Variants in SLAIN1 observed in about 807,000 individuals in gnomAD.
The protein encoded by SLAIN1 is SLAIN motif-containing protein 1.
A neutral mutation model predicts 55.4 loss-of-function variants in SLAIN1; 17 were observed. The ratio of observed to expected loss-of-function variants is 0.31; its 90% CI spans 0.21 to 0.46. The LOEUF is 0.46. SLAIN1 is among the 20% of genes least tolerant of loss of function. The pLI is 1.00. For synonymous variants in SLAIN1, 348 were observed against 337.4 expected, an observed-to-expected ratio of 1.03 and a Z score of -0.35; for missense variants, 682 against 785.1, an observed-to-expected ratio of 0.87 and a Z score of 1.57.
In SLAIN1 at chr13:77,746,854, A is replaced by C; in HGVS notation, c.1257A>C (p.Gly419=). ...TPDQQPNRTN[G]DKLRRSMPNL... is the part of the protein sequence containing the mutation. ...ATCAGCAACCAAATAGGACCAATGG[A>C]GGTAGGTTGTATGCTTTTTTGGTAT... The change falls in exon 4 of 7, where the codon GGA becomes GGC. Residue 419 remains glycine, a splice_region_variant and synonymous_variant. Coordinates refer to ENST00000418532, the MANE Select transcript of SLAIN1 (RefSeq NM_001242868.2). 1.2e-6 allele frequency: 2 copies of C among 1,603,048 alleles called. No individual in the cohort carries two copies. The highest frequency in any genetic ancestry group is 1.7e-6 in the Non-Finnish European group (2 of 1,172,606).
At chr13:77,699,943 A>T (rs189955616) in intron 1 of SLAIN1, among the ~76,000 whole-genome samples, 1 of 152,284 alleles carries the variant, frequency 6.6e-6, no homozygotes, top group Non-Finnish European at 1.5e-5. Context: ...CTCAGCCCTT[A>T]TGCCACTTTC....
chr13:77,760,756 GA>G (rs1594301514), intron 5 of SLAIN1, 71 bp from the exon 6 acceptor site: 4 of 1,533,418 alleles, frequency 2.6e-6, no homozygotes, highest in East Asian at 2.3e-5. Context: ...GGACTCTTCT[GA>G]AAATAACACA....
chr13:77,714,302 A>G (rs1343662903), intron 1 of SLAIN1, among the ~76,000 whole-genome samples: 9 of 152,168 alleles, frequency 5.9e-5, no homozygotes, highest in African/African-American at 1.9e-4. Flanking sequence ...GATGGCAGCT[A>G]TGAATTTCTC....
chr13:77,710,211 C>A (rs2091133494), intron 1 of SLAIN1, among the ~76,000 whole-genome samples: 1 of 152,118 alleles, frequency 6.6e-6, no homozygotes, highest in South Asian at 2.1e-4. Flanking sequence ...ATGACAGGAT[C>A]AAATTCACAC....
At chr13:77,761,693 AG>A (rs1370945739) in intron 6 of SLAIN1, among the ~76,000 whole-genome samples, 1 of 152,154 alleles carries the variant, frequency 6.6e-6, no homozygotes, top group Non-Finnish European at 1.5e-5. Flanking sequence ...GGGCTTTATC[AG>A]CTTATGTTGG....
At chr13:77,728,428 A>G (rs1057429463) in intron 2 of SLAIN1, among the ~76,000 whole-genome samples, 1 of 152,200 alleles carries the variant, frequency 6.6e-6, no homozygotes, top group Non-Finnish European at 1.5e-5. Flanking sequence ...GTCTATAACT[A>G]TTGAATCAGG....
At chr13:77,716,256 T>C (rs1285012092) in intron 1 of SLAIN1, among the ~76,000 whole-genome samples, 1 of 152,014 alleles carries the variant, frequency 6.6e-6, no homozygotes, top group African/African-American at 2.4e-5. Flanking sequence ...TTTTTTCCAC[T>C]GATCCGTTTA....
intron 6 of SLAIN1, among the ~76,000 whole-genome samples, chr13:77,761,491 G>A (rs1363392695): frequency 6.6e-6 from 1 of 152,170 alleles, no homozygotes; most frequent in Non-Finnish European, 1.5e-5. Flanking sequence ...GGCGGGGGGA[G>A]GTTGACTTTT....
chr13:77,704,066 CATAGAAAATATATAT>C (rs2091062656), intron 1 of SLAIN1, among the ~76,000 whole-genome samples: 2 of 98,190 alleles, frequency 2.0e-5, no homozygotes, highest in East Asian at 2.8e-4. Context: ...TATATATATA[CATAGAAAATATATAT>C]ACATATGTTT....
At chr13:77,741,276 G>C in intron 2 of SLAIN1, 1 of 987,350 alleles carries the variant, frequency 1.0e-6, no homozygotes, top group Non-Finnish European at 1.2e-6. Flanking sequence ...GAGAAACTTT[G>C]AATAATAGAG....
At chr13:77,699,192 A>G in intron 1 of SLAIN1, 1 of 723,166 alleles carries the variant, frequency 1.4e-6, no homozygotes, top group Non-Finnish European at 2.2e-6. Flanking sequence ...TAGTGCCAAT[A>G]AAGAGGACTT....
intron 2 of SLAIN1, among the ~76,000 whole-genome samples, chr13:77,723,678 A>G (rs1052021926): frequency 2.6e-5 from 4 of 152,180 alleles, no homozygotes; most frequent in Admixed American, 6.6e-5. Flanking sequence ...CTAAAATAAC[A>G]TGAATATTTT....
chr13:77,737,551 T>C (rs1290374249), intron 2 of SLAIN1, among the ~76,000 whole-genome samples: 2 of 152,106 alleles, frequency 1.3e-5, no homozygotes, highest in African/African-American at 4.8e-5. Context: ...TCTTCTCTTA[T>C]ACCCTATGCT....
chr13:77,759,710 G>C (rs1022729496), intron 5 of SLAIN1, among the ~76,000 whole-genome samples: 9 of 152,046 alleles, frequency 5.9e-5, no homozygotes, highest in African/African-American at 1.9e-4. Context: ...TATAGTTTTG[G>C]TTTTTAATTC....
chr13:77,723,471 C>A (rs1383757615), intron 2 of SLAIN1, among the ~76,000 whole-genome samples: 1 of 152,112 alleles, frequency 6.6e-6, no homozygotes, highest in Non-Finnish European at 1.5e-5. Context: ...TTTTGAGAAC[C>A]TCCTGTGTTT....
intron 1 of SLAIN1, among the ~76,000 whole-genome samples, chr13:77,712,540 G>T (rs2091162989): frequency 6.6e-6 from 1 of 152,088 alleles, no homozygotes; most frequent in Non-Finnish European, 1.5e-5. Flanking sequence ...CTACAAACCA[G>T]TGCTCAAGGA....
chr13:77,697,766 G>C lies in SLAIN1; in HGVS notation c.-148G>C. The C allele has an allele frequency of 3.7e-6, 3 of 813,018 alleles. No homozygotes were observed. Among genetic ancestry groups the C allele is most frequent in the Non-Finnish European group, 4.8e-6 (3 of 630,244 alleles). 50.4% of individuals were successfully genotyped at this position (813,018 alleles called of 1,614,324 possible). On this transcript the variant is annotated 5_prime_UTR_variant, in exon 1 of 7. The change abolishes the stop of an existing upstream ORF in the 5' untranslated region. Transcript: ENST00000418532. ...CGGCCGGAGGCGAGGGCCCGGTGCT[G>C]ATGCGAACCGCCGGCTCGGCCTCAG...
rs191052034 is a variant in SLAIN1 at position 77,729,229 on chromosome 13, T to G, written c.766+9558T>G. 2.6e-5 allele frequency among the ~76,000 whole-genome samples: 4 copies of G among 152,338 alleles called. No individual in the cohort carries two copies. In the East Asian group the frequency reaches 7.7e-4, roughly 29 times the overall value. ...CCTGATATGTGTTTGCCAAATTTCCTTAAGTAATCCTTTTTTCTTTTGCTA... is the reference window on the plus strand; with the variant it reads ...CCTGATATGTGTTTGCCAAATTTCCGTAAGTAATCCTTTTTTCTTTTGCTA... On this transcript the variant is annotated intron_variant, in intron 2 of 6. Transcript: ENST00000418532.
chr13:77,716,886 AG>A (rs1210862158), intron 1 of SLAIN1, among the ~76,000 whole-genome samples: 1 of 152,106 alleles, frequency 6.6e-6, no homozygotes, highest in Non-Finnish European at 1.5e-5. Flanking sequence ...TGCATTGGCT[AG>A]GATCTTCAGC....
Sources: allele counts gnomAD v4.1 joint callset (sites outside exome capture counted in the v4.1 genomes callset), GRCh38; gene constraint gnomAD v4.1.1; transcripts MANE v1.5; gene names NCBI Gene and HGNC (gene_info 2026-07-23, HGNC 2026-07-21).